Variants in CIT observed in about 807,000 individuals in gnomAD.
CIT encodes citron rho-interacting serine/threonine kinase.
CIT carries 79 observed loss-of-function variants against 272.7 expected under a neutral mutation model. That is an observed-to-expected ratio of 0.29 (90% CI 0.24 to 0.35). The LOEUF (loss-of-function observed/expected upper bound fraction) is 0.35. Among genes scored for constraint, CIT ranks in the 10% least tolerant of loss-of-function variants. The pLI is 1.00. For synonymous variants in CIT, 948 were observed against 995.6 expected (o/e 0.95, Z 0.90); for missense variants, 1,909 against 2,618.3 (o/e 0.73, Z 5.91).
At position 119,782,596 on chromosome 12, in the gene CIT, G is replaced by T; in HGVS notation, c.1587C>A (p.Ser529=). 6.2e-7 allele frequency: 1 copy of T among 1,614,074 alleles called. No individual in the cohort carries two copies. ...GCTGCAGTGCTTTGTCATCCTCCTG[G>T]GACACCTCCATCCGTGCTTGCTCCA... ...RSLEQARMEV[S]QEDDKALQLL... Residue 529 remains serine, a synonymous_variant, in exon 13 of 48, where the codon TCC becomes TCA. Coordinates refer to ENST00000392521, the MANE Select transcript of CIT (RefSeq NM_001206999.2).
intron 19 of CIT, among the ~76,000 whole-genome samples, chr12:119,766,618 C>T (rs1962482312): frequency 6.6e-6 from 1 of 152,046 alleles, no homozygotes; most frequent in South Asian, 2.1e-4. Flanking sequence ...TTTAAAATAA[C>T]TTAAAGAATG....
chr12:119,713,014 A>AG lies in CIT; in HGVS notation c.4579+188dup. The AG allele has an allele frequency of 1.6e-6, 1 of 635,250 alleles. No individual in the cohort carries two copies. Among genetic ancestry groups the AG allele is most frequent in the African/African-American group, 1.8e-5 (1 of 55,118 alleles). The allele number at this position is 635,250 out of a possible 1,614,324, so 39.4% of individuals were successfully genotyped here. A position where few individuals can be genotyped will look rare whatever the true frequency, so the allele number is the denominator to read the frequency against. On this transcript the variant is annotated intron_variant, in intron 35 of 47. Transcript: ENST00000392521. The surrounding 1 kb of genome is among the most constrained non-coding windows in gnomAD (Gnocchi z 5.2). ...CAGGGCAGCGCCCTGCGGGTTCTTC[A>AG]GGGGGGAGACCTATAGATGTGAGTA... is the stretch of plus-strand genomic sequence containing the variant.
intron 18 of CIT, among the ~76,000 whole-genome samples, chr12:119,769,403 A>C (rs1164301699): frequency 6.6e-6 from 1 of 152,202 alleles, no homozygotes; most frequent in African/African-American, 2.4e-5. Flanking sequence ...TGTTATGCAA[A>C]TACTGTTGTT....
chr12:119,823,059 T>C (rs942331404), intron 8 of CIT, 86 bp from the exon 9 acceptor site: 6 of 1,380,164 alleles, frequency 4.3e-6, no homozygotes, highest in Admixed American at 2.5e-5. Flanking sequence ...TTCTCATATA[T>C]GCAAGTTTCT....
rs141444482 is a variant in CIT at position 119,752,376 on chromosome 12, C to T, written c.2707-129G>A. On this transcript the variant is annotated intron_variant, in intron 22 of 47. Transcript: ENST00000392521. ...GTCTTGGAACCACCTTCTCGGCACTCGATAGAGGAGAGGAAAATGCAACAA... is the reference window on the plus strand; with the variant it reads ...GTCTTGGAACCACCTTCTCGGCACTTGATAGAGGAGAGGAAAATGCAACAA... 33 of 801,594 alleles carry T rather than the reference C, an allele frequency of 4.1e-5. No individual in the cohort carries two copies. In the African/African-American group the frequency reaches 4.9e-4, roughly 12 times the overall value. 49.7% of individuals were successfully genotyped at this position (801,594 alleles called of 1,614,324 possible). A position where few individuals can be genotyped will look rare whatever the true frequency, so the allele number is the denominator to read the frequency against.
chr12:119,709,283 C>A (rs1315456356), intron 39 of CIT, among the ~76,000 whole-genome samples: 2 of 151,790 alleles, frequency 1.3e-5, no homozygotes, highest in African/African-American at 4.8e-5. Context: ...AAACTGTAGA[C>A]TTGGGGTGAC....
At chr12:119,815,616 G>A (rs1967107622) in intron 9 of CIT, among the ~76,000 whole-genome samples, 1 of 151,852 alleles carries the variant, frequency 6.6e-6, no homozygotes, top group Non-Finnish European at 1.5e-5. Flanking sequence ...TGAGGCAAGA[G>A]AATCACTTGA....
At chr12:119,761,117 C>T (rs1022104146) in intron 19 of CIT, 62 bp from the exon 20 acceptor site, 38 of 1,169,448 alleles carry the variant, frequency 3.2e-5, no homozygotes, top group African/African-American at 7.6e-5. Flanking sequence ...GAAGACTAAA[C>T]GGGGACACTT....
At chr12:119,756,993 G>A (rs147236099) in intron 22 of CIT, among the ~76,000 whole-genome samples, 2,410 of 152,004 alleles carry the variant, frequency 0.016, 73 homozygotes, top group African/African-American at 0.056. Context: ...GGTGCCAGGC[G>A]CCTGTAGTCC....
chr12:119,689,853 A>AT (rs943751364), intron 47 of CIT, among the ~76,000 whole-genome samples: 1 of 149,830 alleles, frequency 6.7e-6, no homozygotes, highest in East Asian at 2.0e-4. Context: ...AATTTTTTGT[A>AT]TTTTTTTCGT....
intron 4 of CIT, among the ~76,000 whole-genome samples, chr12:119,853,281 G>C (rs924646712): frequency 6.1e-5 from 9 of 148,544 alleles, no homozygotes; most frequent in Non-Finnish European, 3.0e-5. Flanking sequence ...CAGAGATTGT[G>C]CCACTGCACT....
At chr12:119,810,479 C>T (rs1439380809) in intron 9 of CIT, among the ~76,000 whole-genome samples, 1 of 151,938 alleles carries the variant, frequency 6.6e-6, no homozygotes, top group Non-Finnish European at 1.5e-5. Context: ...ACAGGCAGAT[C>T]ATTTAAGGTC....
chr12:119,820,245 T>C (rs1967575491), intron 9 of CIT, among the ~76,000 whole-genome samples: 1 of 152,206 alleles, frequency 6.6e-6, no homozygotes, highest in African/African-American at 2.4e-5. Context: ...ACAGTGACAC[T>C]GTTATGTAAG....
chr12:119,742,956 GT>G (rs1286318554), intron 23 of CIT: 1 of 152,162 alleles, frequency 6.6e-6, no homozygotes, highest in Non-Finnish European at 1.5e-5. Flanking sequence ...TGTGTGTGTT[GT>G]TTTTTCATTA....
At position 119,718,974 on chromosome 12, in the gene CIT, G is replaced by C; in HGVS notation, c.3841-113C>G. ...CACAAAAGCCAGGAGCATACTCACT[G>C]TAAGTGTATTTAGTAAAAATGGCAT... On this transcript the variant is annotated intron_variant, in intron 30 of 47. Coordinates refer to ENST00000392521, the MANE Select transcript of CIT (RefSeq NM_001206999.2). The surrounding 1 kb of genome is among the most constrained non-coding windows in gnomAD (Gnocchi z 4.8). The C allele has an allele frequency of 9.8e-7, 1 of 1,022,932 alleles. No individual in the cohort carries two copies. The highest frequency in any genetic ancestry group is 1.5e-5 in the South Asian group (1 of 64,736). The allele number at this position is 1,022,932 out of a possible 1,614,324, so 63.4% of individuals were successfully genotyped here. A position where few individuals can be genotyped will look rare whatever the true frequency, so the allele number is the denominator to read the frequency against.
intron 46 of CIT, among the ~76,000 whole-genome samples, chr12:119,695,561 C>T (rs1041939049): frequency 1.3e-5 from 2 of 152,084 alleles, no homozygotes; most frequent in African/African-American, 2.4e-5. Flanking sequence ...TTTGGGAGGC[C>T]AAGGCGGGCA....
intron 9 of CIT, among the ~76,000 whole-genome samples, chr12:119,816,612 A>G (rs1326313360): frequency 9.9e-5 from 15 of 152,206 alleles, no homozygotes; most frequent in Admixed American, 7.9e-4. Flanking sequence ...TGAAGCTCTA[A>G]CAAGCTCCTA....
intron 8 of CIT, 104 bp from the exon 9 acceptor site, chr12:119,823,077 T>C (rs757859778): frequency 1.6e-5 from 20 of 1,251,248 alleles, no homozygotes; most frequent in Non-Finnish European, 2.2e-5. Context: ...TCTTTTTTTT[T>C]GTTTTTTAGA....
chr12:119,783,849 G>A (rs1964525909), intron 12 of CIT, 59 bp downstream of exon 12: 1 of 1,521,586 alleles, frequency 6.6e-7, no homozygotes. Flanking sequence ...GAAACAGGAT[G>A]AGACACACAC....
Sources: gnomAD v4.1 joint callset for allele counts (sites outside exome capture counted in the v4.1 genomes callset) on GRCh38, gnomAD v4.1.1 for gene constraint, Gnocchi (gnomAD v3.1) non-coding constraint, MANE v1.5 for transcripts, NCBI Gene and HGNC (gene_info 2026-07-23, HGNC 2026-07-21) for gene names.